Variants in PCLO observed in about 807,000 individuals in gnomAD.
PCLO encodes the protein piccolo presynaptic cytomatrix protein, also known as protein piccolo.
Under a neutral mutation model 427.5 loss-of-function variants are expected in PCLO, and 82 were observed. The observed-to-expected ratio is 0.19, with a 90% CI of 0.16 to 0.23. The LOEUF is 0.23. Among genes scored for constraint, PCLO ranks in the 10% least tolerant of loss-of-function variants. PCLO has a pLI of 1.00. For synonymous variants in PCLO, 2,357 were observed against 2,155.4 expected, an observed-to-expected ratio of 1.09 and a Z score of -2.59; for missense variants, 6,239 against 6,115.9, an observed-to-expected ratio of 1.02 and a Z score of -0.67.
intron 20 of PCLO, among the ~76,000 whole-genome samples, chr7:82,819,830 G>A: frequency 6.6e-6 from 1 of 152,058 alleles, no homozygotes; most frequent in East Asian, 1.9e-4. Context: ...AAAGTATAAG[G>A]CTTGATTTTA....
intron 3 of PCLO, among the ~76,000 whole-genome samples, chr7:82,985,117 C>A (rs1352059775): frequency 6.6e-6 from 1 of 151,876 alleles, no homozygotes; most frequent in East Asian, 1.9e-4. Flanking sequence ...AGAGAGAGCA[C>A]CTACTGACCT....
At chr7:83,009,847 A>C (rs1041495597) in intron 3 of PCLO, among the ~76,000 whole-genome samples, 2 of 151,994 alleles carry the variant, frequency 1.3e-5, no homozygotes, top group African/African-American at 2.4e-5. Context: ...ATACTAGAAT[A>C]ACAAAGTCTT....
At chr7:82,882,430 G>A (rs1008842002) in intron 9 of PCLO, among the ~76,000 whole-genome samples, 15 of 152,092 alleles carry the variant, frequency 9.9e-5, no homozygotes. Context: ...AAACATTGAT[G>A]AAATGCTTCT....
At chr7:82,883,139 A>C (rs1487406140) in intron 9 of PCLO, among the ~76,000 whole-genome samples, 1 of 152,074 alleles carries the variant, frequency 6.6e-6, no homozygotes, top group Non-Finnish European at 1.5e-5. Flanking sequence ...TTTTTATAAT[A>C]AAGTTATCCT....
intron 10 of PCLO, among the ~76,000 whole-genome samples, chr7:82,871,003 G>C (rs1361674874): frequency 1.3e-5 from 2 of 151,954 alleles, no homozygotes; most frequent in African/African-American, 2.4e-5. Context: ...CTCATACACT[G>C]TTTGTGGCCA....
intron 3 of PCLO, among the ~76,000 whole-genome samples, chr7:83,083,022 AACTT>A (rs944243278): frequency 6.6e-6 from 1 of 151,676 alleles, no homozygotes; most frequent in Non-Finnish European, 1.5e-5. Context: ...TGGGGACAAA[AACTT>A]ACTTAATAAT....
intron 6 of PCLO, among the ~76,000 whole-genome samples, chr7:82,938,614 A>T (rs1046236856): frequency 2.0e-5 from 3 of 152,002 alleles, no homozygotes; most frequent in African/African-American, 7.2e-5. Flanking sequence ...CAATGAAGAA[A>T]TTCAAAAACA....
intron 2 of PCLO, among the ~76,000 whole-genome samples, chr7:83,136,161 ATAAAG>A (rs1471489476): frequency 6.6e-6 from 1 of 152,120 alleles, no homozygotes; most frequent in African/African-American, 2.4e-5. Context: ...TAAGGAATAT[ATAAAG>A]TAAAAATCAA....
intron 10 of PCLO, chr7:82,867,965 T>C (rs1793137929): frequency 8.4e-6 from 3 of 358,582 alleles, no homozygotes; most frequent in Non-Finnish European, 1.6e-5. Flanking sequence ...CAGTAATTTG[T>C]ATTTTTCTTC....
intron 10 of PCLO, among the ~76,000 whole-genome samples, chr7:82,873,502 C>T (rs1300443533): frequency 6.6e-6 from 1 of 152,074 alleles, no homozygotes; most frequent in Non-Finnish European, 1.5e-5. Context: ...AACATCAAAC[C>T]TTGCGCCTAC....
intron 9 of PCLO, among the ~76,000 whole-genome samples, chr7:82,886,096 T>C (rs1241710550): frequency 1.3e-5 from 2 of 152,290 alleles, no homozygotes; most frequent in African/African-American, 2.4e-5. Context: ...AAAAAAGGTG[T>C]TGGAAGCCAG....
At chr7:82,790,428 T>G (rs1216337666) in intron 22 of PCLO, among the ~76,000 whole-genome samples, 1 of 152,202 alleles carries the variant, frequency 6.6e-6, no homozygotes, top group Non-Finnish European at 1.5e-5. Context: ...TATTTTCTCA[T>G]GTTGCAAAGG....
intron 6 of PCLO, among the ~76,000 whole-genome samples, chr7:82,933,118 A>C (rs998394167): frequency 1.3e-5 from 2 of 152,024 alleles, no homozygotes; most frequent in African/African-American, 4.8e-5. Flanking sequence ...GACTCACTTT[A>C]GAGCCAGCAG....
chr7:82,828,871 T>G (rs76920940), intron 16 of PCLO, among the ~76,000 whole-genome samples: 1 of 152,160 alleles, frequency 6.6e-6, no homozygotes, highest in Non-Finnish European at 1.5e-5. Context: ...TAAATAATAC[T>G]TCATCTGTGG....
At position 82,953,291 on chromosome 7, in the gene PCLO, C is replaced by T; in HGVS notation, c.7662G>A (p.Leu2554=). 1 of 1,613,516 alleles carries T rather than the reference C, an allele frequency of 6.2e-7. No homozygotes were observed. Among genetic ancestry groups the T allele is most frequent in the Non-Finnish European group, 8.5e-7 (1 of 1,179,770 alleles). Residue 2554 remains leucine (L), a synonymous_variant, in exon 5 of 25, where the codon TTG becomes TTA. Transcript: ENST00000333891. The part of the protein sequence containing the change: ...LNLVTSADYK[L]PSPTSPLSPH... Reference sequence around the variant, plus strand: ...GGGAAAGTGGGGAGGTAGGGGAAGGCAATTTATAATCTGCTGAAGTCACTA... The same window carrying T: ...GGGAAAGTGGGGAGGTAGGGGAAGGTAATTTATAATCTGCTGAAGTCACTA...
intron 3 of PCLO, among the ~76,000 whole-genome samples, chr7:83,001,213 G>A (rs902483224): frequency 5.9e-5 from 9 of 151,930 alleles, no homozygotes; most frequent in Middle Eastern, 6.8e-3. Flanking sequence ...TGGAAACCAC[G>A]GTCCTATGGT....
intron 3 of PCLO, among the ~76,000 whole-genome samples, chr7:82,981,180 G>C (rs1038212665): frequency 2.0e-4 from 31 of 151,418 alleles, no homozygotes; most frequent in Admixed American, 1.3e-4. Flanking sequence ...AACATACTTC[G>C]TAACTATAGG....
chr7:82,950,700 G>T lies in PCLO; in HGVS notation c.9888C>A (p.Ile3296=). Reference sequence around the variant, plus strand: ...GGTGAAGCTGTTGTTGCAGCTGTTGGATCTGCTCAAGCTGTAACTGTTGCT... The same window carrying T: ...GGTGAAGCTGTTGTTGCAGCTGTTGTATCTGCTCAAGCTGTAACTGTTGCT... ...LAQQQLQLEQ[I]QQLQQQLHQQ... The change falls in exon 6 of 25, where the codon ATC becomes ATA. Residue 3296 remains isoleucine (I), a synonymous_variant. Transcript: ENST00000333891. 1 of 1,613,788 alleles carries T rather than the reference G, an allele frequency of 6.2e-7. No homozygotes were observed. The highest frequency in any genetic ancestry group is 1.3e-5 in the African/African-American group (1 of 75,008).
At chr7:83,124,065 T>C (rs1272552329) in intron 3 of PCLO, among the ~76,000 whole-genome samples, 1 of 149,990 alleles carries the variant, frequency 6.7e-6, no homozygotes, top group African/African-American at 2.5e-5. Context: ...TCTCAGTACT[T>C]CAGTACTTTG....
Sources: gnomAD v4.1 joint callset for allele counts (sites outside exome capture counted in the v4.1 genomes callset) on GRCh38, gnomAD v4.1.1 for gene constraint, MANE v1.5 for transcripts, NCBI Gene and HGNC (gene_info 2026-07-23, HGNC 2026-07-21) for gene names.